BEND7: variants seen among roughly 807,000 people sequenced by gnomAD.
The protein encoded by BEND7 is BEN domain containing 7, also known as BEN domain-containing protein 7.
In BEND7, 28 loss-of-function variants were observed where a neutral mutation model predicts 50.9. That is an observed-to-expected ratio of 0.55 (90% CI 0.41 to 0.75). The LOEUF is 0.75. Ranked by LOEUF, BEND7 falls within the 30% of genes least tolerant of loss-of-function variation. The pLI, the probability that BEND7 is intolerant of heterozygous loss-of-function variation, is 0.00. For synonymous variants in BEND7, 170 were observed against 183.9 expected (o/e 0.92, Z 0.61); for missense variants, 477 against 491.3 (o/e 0.97, Z 0.28).
chr10:13,441,003 A>G (rs532236902), downstream of BEND7: 14 of 700,736 alleles, frequency 2.0e-5, no homozygotes, highest in African/African-American at 2.7e-4. Context: ...TCAGAGTATT[A>G]ATGATACCTT....
At chr10:13,483,452 G>T (rs2076006910) in intron 5 of BEND7, among the ~76,000 whole-genome samples, 6 of 152,202 alleles carry the variant, frequency 3.9e-5, no homozygotes. Context: ...CCCATTGACT[G>T]CCCAATAGAT....
intron 6 of BEND7, among the ~76,000 whole-genome samples, chr10:13,479,550 A>G (rs2075708122): frequency 6.6e-6 from 1 of 152,218 alleles, no homozygotes; most frequent in Non-Finnish European, 1.5e-5. Context: ...GCTGCATTTC[A>G]GAAAAGCACC....
chr10:13,526,150 G>A lies in BEND7; in HGVS notation c.133C>T (p.Pro45Ser), dbSNP rs1232351243. 6 of 1,287,964 alleles carry A rather than the reference G, an allele frequency of 4.7e-6. No homozygotes were observed. Among genetic ancestry groups the A allele is most frequent in the Non-Finnish European group, 1.0e-6 (1 of 987,698 alleles). The allele number at this position is 1,287,964 out of a possible 1,614,324, so 79.8% of individuals were successfully genotyped here. The change falls in exon 2 of 9, where the codon CCC becomes TCC. Residue 45 changes from proline to serine, a missense_variant. Physicochemically the swap from Pro to Ser is moderately conservative, Grantham distance 74 (BLOSUM62 -1). Transcript: ENST00000466271. Reference sequence around the variant, plus strand: ...CATAGGAACCTACCTAAAAAAATGGGCTGTGTCTCTTTGGCCTCCCCATTA... The same window carrying A: ...CATAGGAACCTACCTAAAAAAATGGACTGTGTCTCTTTGGCCTCCCCATTA... ...DVNGEAKETQ[P>S]IFLGDESMEI...
At chr10:13,506,548 G>C (rs532981655) in intron 2 of BEND7, among the ~76,000 whole-genome samples, 1 of 152,200 alleles carries the variant, frequency 6.6e-6, no homozygotes, top group African/African-American at 2.4e-5. Context: ...ATTGTACACT[G>C]GAGCCAATGG....
intron 8 of BEND7, chr10:13,445,444 G>C (rs1209082080): frequency 6.6e-6 from 1 of 152,248 alleles, no homozygotes. Context: ...TTAGGTATGA[G>C]AAAGCTATAT....
chr10:13,439,509 A>T, downstream of BEND7: 1 of 1,582,224 alleles, frequency 6.3e-7, no homozygotes, highest in Non-Finnish European at 8.6e-7. Context: ...TGTGGAATGA[A>T]TGAATGAGTG....
At position 13,453,960 on chromosome 10, in the gene BEND7, C is replaced by G. The variant is rs17153290; in HGVS notation, c.1064-1302G>C. On this transcript the variant is annotated intron_variant, in intron 6 of 8. Coordinates refer to ENST00000466271, the MANE Select transcript of BEND7 (RefSeq NM_001369863.1). The stretch of plus-strand genomic sequence containing the variant: ...AGAGAAAAGCGGCTATATGTGATCT[C>G]TACTGTCAAACACATGGCAACAATC... Among the ~76,000 whole-genome samples the G allele has an allele frequency of 5.9e-3, 895 of 152,290 alleles. 8 individuals are homozygous for G. Among genetic ancestry groups the G allele is most frequent in the African/African-American group, 0.02 (845 of 41,564 alleles).
chr10:13,468,750 C>T (rs536138027), intron 6 of BEND7, among the ~76,000 whole-genome samples: 1 of 152,222 alleles, frequency 6.6e-6, no homozygotes, highest in South Asian at 2.1e-4. Context: ...GTTGATAGGG[C>T]CAGGTAATTG....
chr10:13,496,810 A>T lies in BEND7; in HGVS notation c.527T>A (p.Leu176Gln). ...TTTCCTCATGGTCTTGAGTTCTTGT[A>T]GAATGGCCTGCAACGTTGACTGGCA... ...CNCQSTLQAILQELKTMRKLM... is the reference protein window; with the variant it reads ...CNCQSTLQAIQQELKTMRKLM... The change falls in exon 4 of 9, where the codon CTA (leucine) becomes CAA (glutamine). Residue 176 changes from leucine (L) to glutamine (Q), a missense_variant. Physicochemically the swap from Leu to Gln is moderately radical, Grantham distance 113. Coordinates refer to ENST00000466271, the MANE Select transcript of BEND7 (RefSeq NM_001369863.1). 1 of 1,613,566 alleles carries T rather than the reference A, an allele frequency of 6.2e-7. No individual in the cohort carries two copies. Among genetic ancestry groups the T allele is most frequent in the Non-Finnish European group, 8.5e-7 (1 of 1,179,666 alleles).
chr10:13,495,084 G>A (rs1395789576), intron 4 of BEND7, among the ~76,000 whole-genome samples: 1 of 152,196 alleles, frequency 6.6e-6, no homozygotes, highest in Admixed American at 6.5e-5. Context: ...GATTTAAATG[G>A]TTGCAATTTG....
At chr10:13,459,847 C>A in intron 6 of BEND7, 1 of 152,238 alleles carries the variant, frequency 6.6e-6, no homozygotes, top group Non-Finnish European at 1.5e-5. Context: ...GGGGGACCAA[C>A]CAAACAGAAG....
chr10:13,491,506 T>C lies in BEND7; in HGVS notation c.837+1105A>G, dbSNP rs187642974. 1.2e-4 allele frequency among the ~76,000 whole-genome samples: 18 copies of C among 152,128 alleles called. 1 individual carries two copies. In the South Asian group the frequency reaches 2.3e-3, roughly 19 times the overall value. On this transcript the variant is annotated intron_variant, in intron 5 of 8. Transcript: ENST00000466271. ...GAACGTTATCATCATTAATGATGTT[T>C]TAAAATTAAATTTTTAGACTAGATG...
chr10:13,485,469 G>A (rs1193147807), intron 5 of BEND7, among the ~76,000 whole-genome samples: 1 of 152,162 alleles, frequency 6.6e-6, no homozygotes, highest in Non-Finnish European at 1.5e-5. Flanking sequence ...GATTTGGGGG[G>A]CTGGGCTGGC....
chr10:13,474,069 T>TC, intron 6 of BEND7, among the ~76,000 whole-genome samples: 1 of 152,084 alleles, frequency 6.6e-6, no homozygotes, highest in Non-Finnish European at 1.5e-5. Context: ...TCGATACCCA[T>TC]CATCACTGTT....
chr10:13,450,834 C>CT (rs1382366195), intron 7 of BEND7, among the ~76,000 whole-genome samples: 1 of 151,860 alleles, frequency 6.6e-6, no homozygotes, highest in African/African-American at 2.4e-5. Flanking sequence ...GTGGGCAAAC[C>CT]TGGGGGGAAA....
intron 6 of BEND7, among the ~76,000 whole-genome samples, chr10:13,475,656 G>C (rs2075373100): frequency 1.3e-5 from 2 of 152,160 alleles, no homozygotes; most frequent in African/African-American, 4.8e-5. Context: ...ATAAACAACC[G>C]ACTGGTCATC....
chr10:13,496,556 G>A (rs1444725778), intron 4 of BEND7, among the ~76,000 whole-genome samples: 1 of 152,160 alleles, frequency 6.6e-6, no homozygotes, highest in Non-Finnish European at 1.5e-5. Flanking sequence ...ATAATTATAT[G>A]AGCTGTATCA....
chr10:13,494,203 G>C (rs2076871481), intron 4 of BEND7, among the ~76,000 whole-genome samples: 1 of 152,138 alleles, frequency 6.6e-6, no homozygotes, highest in Non-Finnish European at 1.5e-5. Flanking sequence ...CGGATCACGA[G>C]GTCAAGAGAT....
At chr10:13,527,013 CCTT>C (rs1252348948) in intron 1 of BEND7, among the ~76,000 whole-genome samples, 1 of 152,210 alleles carries the variant, frequency 6.6e-6, no homozygotes, top group Non-Finnish European at 1.5e-5. Context: ...AGAGGTTCCT[CCTT>C]AACACCTAGT....
Sources: gnomAD v4.1 joint callset for allele counts (sites outside exome capture counted in the v4.1 genomes callset) on GRCh38, gnomAD v4.1.1 for gene constraint, MANE v1.5 for transcripts, NCBI Gene and HGNC (gene_info 2026-07-23, HGNC 2026-07-21) for gene names.